SIDT1: variants seen among roughly 807,000 people sequenced by gnomAD.
SIDT1 encodes SID1 transmembrane family, member 1.
Under a neutral mutation model 107.5 loss-of-function variants are expected in SIDT1, and 101 were observed. The ratio of observed to expected loss-of-function variants is 0.94; its 90% CI spans 0.80 to 1.11. The LOEUF (loss-of-function observed/expected upper bound fraction) is 1.11, where lower values mean the gene tolerates loss of function less well. Ranked by LOEUF, SIDT1 falls within the 50% of genes least tolerant of loss-of-function variation. SIDT1 has a pLI of 0.00. For synonymous variants in SIDT1, 395 were observed against 398.2 expected, an observed-to-expected ratio of 0.99 and a Z score of 0.10; for missense variants, 1,076 against 1,058.2, an observed-to-expected ratio of 1.02 and a Z score of -0.23.
At chr3:113,616,605 CACACGTTTACCCATGGA>C (rs1436399258) in intron 20 of SIDT1, among the ~76,000 whole-genome samples, 1 of 152,042 alleles carries the variant, frequency 6.6e-6, no homozygotes, top group African/African-American at 2.4e-5. Context: ...ACCACCATGG[CACACGTTTACCCATGGA>C]ACAAACCTGC....
intron 1 of SIDT1, among the ~76,000 whole-genome samples, chr3:113,541,938 T>C (rs1007104688): frequency 1.3e-5 from 2 of 151,234 alleles, no homozygotes; most frequent in African/African-American, 4.8e-5. Flanking sequence ...TTTTTTTTTT[T>C]TTTTAGATGG....
chr3:113,585,337 A>C, intron 9 of SIDT1, 67 bp downstream of exon 9: 1 of 1,166,698 alleles, frequency 8.6e-7, no homozygotes, highest in South Asian at 1.2e-5. Context: ...TGCAGCACAG[A>C]CTTGACAGAT....
chr3:113,619,841 A>G (rs1560139668), intron 21 of SIDT1, 115 bp downstream of exon 21: 1 of 972,836 alleles, frequency 1.0e-6, no homozygotes, highest in African/African-American at 1.6e-5. Context: ...AGAAGGTAGG[A>G]CTGCTTGTTC....
At chr3:113,612,769 C>A (rs1945844860) in intron 19 of SIDT1, among the ~76,000 whole-genome samples, 1 of 152,184 alleles carries the variant, frequency 6.6e-6, no homozygotes, top group Non-Finnish European at 1.5e-5. Flanking sequence ...TATATGGGAA[C>A]AGATTCAAGT....
At chr3:113,537,254 A>G (rs959865002) in intron 1 of SIDT1, among the ~76,000 whole-genome samples, 5 of 152,152 alleles carry the variant, frequency 3.3e-5, no homozygotes, top group African/African-American at 1.2e-4. Flanking sequence ...AATGACATAT[A>G]TTATACTTTT....
rs190201311 is a variant in SIDT1 at position 113,604,885 on chromosome 3, T to C, written c.1338-25T>C. 2.1e-4 allele frequency: 346 copies of C among 1,613,522 alleles called. 1 individual carries two copies. The highest frequency in any genetic ancestry group is 6.7e-4 in the South Asian group (61 of 91,068). On this transcript the variant is annotated intron_variant, in intron 13 of 24. Coordinates refer to ENST00000264852, the MANE Select transcript of SIDT1 (RefSeq NM_017699.3). ...TCCACTGTTCATTTGAAAATAAGCA[T>C]TTCTGGTTCTTTCTGCCTGCATAGG... is the stretch of plus-strand genomic sequence containing the variant.
intron 1 of SIDT1, among the ~76,000 whole-genome samples, chr3:113,551,537 A>G (rs1940229830): frequency 6.6e-6 from 1 of 152,214 alleles, no homozygotes; most frequent in East Asian, 1.9e-4. Flanking sequence ...AACAACAAAA[A>G]TAATTTTTAA....
rs9840261 is a variant in SIDT1, at chr3:113,617,100, T to A, written c.2043+924T>A. Among the ~76,000 whole-genome samples, 694 of 152,312 alleles carry A rather than the reference T, an allele frequency of 4.6e-3. 4 individuals carry two copies. Among genetic ancestry groups the A allele is most frequent in the African/African-American group, 0.016 (664 of 41,564 alleles). ...ATAATCATCCAAAGAGGTACCCTTG[T>A]GGAAGTGAAAGGGCACACTGCTAAT... is the stretch of plus-strand genomic sequence containing the variant. On this transcript the variant is annotated intron_variant, in intron 20 of 24. Transcript: ENST00000264852.
chr3:113,583,321 CCT>C, intron 6 of SIDT1, 86 bp from the exon 7 acceptor site: 1 of 929,690 alleles, frequency 1.1e-6, no homozygotes. Context: ...CCTTCTCTTT[CCT>C]CTTTCTTTCT....
chr3:113,535,320 T>A (rs1938012625), intron 1 of SIDT1, among the ~76,000 whole-genome samples: 1 of 152,126 alleles, frequency 6.6e-6, no homozygotes, highest in Non-Finnish European at 1.5e-5. Flanking sequence ...TAAAAAACAT[T>A]TAGTGTTTTC....
intron 3 of SIDT1, among the ~76,000 whole-genome samples, chr3:113,575,057 A>C (rs1330701214): frequency 6.6e-6 from 1 of 152,240 alleles, no homozygotes; most frequent in Non-Finnish European, 1.5e-5. Flanking sequence ...TGGTAGTCTT[A>C]AACACAGTAA....
intron 1 of SIDT1, among the ~76,000 whole-genome samples, chr3:113,543,092 C>T (rs1033691432): frequency 6.6e-6 from 1 of 152,062 alleles, no homozygotes; most frequent in Admixed American, 6.5e-5. Flanking sequence ...AGGCATGCAC[C>T]ACCATGCCCA....
At chr3:113,563,329 C>G (rs62265514) in intron 1 of SIDT1, among the ~76,000 whole-genome samples, 41,646 of 151,986 alleles carry the variant, frequency 0.27, 6,322 homozygotes, top group East Asian at 0.59. Flanking sequence ...TGATTGCAAA[C>G]GGATTAGAGG....
chr3:113,566,371 T>C (rs1284055556), intron 1 of SIDT1, 49 bp from the exon 2 acceptor site: 22 of 1,579,728 alleles, frequency 1.4e-5, no homozygotes, highest in Non-Finnish European at 1.9e-5. Context: ...TGTGTTTGCA[T>C]GTGTGCATGT....
intron 1 of SIDT1, among the ~76,000 whole-genome samples, chr3:113,545,644 A>G (rs1369492041): frequency 6.6e-6 from 1 of 151,394 alleles, no homozygotes; most frequent in Non-Finnish European, 1.5e-5. Context: ...CATCATCCAG[A>G]TTATCTGTTG....
At chr3:113,607,151 G>T in intron 15 of SIDT1, 37 bp downstream of exon 15, 4 of 1,308,020 alleles carry the variant, frequency 3.1e-6, no homozygotes, top group Non-Finnish European at 3.3e-6. Flanking sequence ...GAGGCATTTA[G>T]AGATGCCTTT....
rs1577008809 is a variant in SIDT1, at chr3:113,627,801, G to C, written c.*93G>C. 4.3e-6 allele frequency: 5 copies of C among 1,171,914 alleles called. No individual in the cohort carries two copies. The highest frequency in any genetic ancestry group is 6.4e-6 in the Non-Finnish European group (5 of 786,044). The allele number at this position is 1,171,914 out of a possible 1,614,324, so 72.6% of individuals were successfully genotyped here. ...CACAGCAAAGTAACCACTGCCAGATGCTCCACTCACCCTCTGTAGAGCCAA... is the reference window on the plus strand; with the variant it reads ...CACAGCAAAGTAACCACTGCCAGATCCTCCACTCACCCTCTGTAGAGCCAA... On this transcript the variant is annotated 3_prime_UTR_variant, in exon 25 of 25. Transcript: ENST00000264852.
At chr3:113,603,612 C>T (rs1203103869) in intron 12 of SIDT1, among the ~76,000 whole-genome samples, 3 of 152,122 alleles carry the variant, frequency 2.0e-5, no homozygotes, top group Admixed American at 2.0e-4. Context: ...GTTCAAGAAC[C>T]ACACAGTGGA....
Position 113,576,985 on chromosome 3 carries a change from A to G in SIDT1, c.561+18A>G. The stretch of plus-strand genomic sequence containing the variant: ...AACCTCAGGTAAGTGAAGGGGTTCC[A>G]AGAGTTATCAACATCCTACCTGTTG... On this transcript the variant is annotated intron_variant, in intron 4 of 24. Transcript: ENST00000264852. 1.2e-6 allele frequency: 2 copies of G among 1,613,040 alleles called. No homozygotes were observed. The highest frequency in any genetic ancestry group is 4.5e-5 in the East Asian group (2 of 44,880).
Sources: allele counts gnomAD v4.1 joint callset (sites outside exome capture counted in the v4.1 genomes callset), GRCh38; gene constraint gnomAD v4.1.1; transcripts MANE v1.5; gene names NCBI Gene and HGNC (gene_info 2026-07-23, HGNC 2026-07-21).